The following UNC5C variants were observed in gnomAD, a reference collection of about 807,000 sequenced individuals.
The protein encoded by UNC5C is unc-5 netrin receptor C.
A neutral mutation model predicts 99.8 loss-of-function variants in UNC5C; 47 were observed. The ratio of observed to expected loss-of-function variants is 0.47; its 90% CI spans 0.37 to 0.60. The LOEUF (loss-of-function observed/expected upper bound fraction) is 0.60. Among genes scored for constraint, UNC5C ranks in the 20% least tolerant of loss-of-function variants. The pLI is 0.00. For missense variants in UNC5C, 1,062 were observed against 1,165.9 expected, an observed-to-expected ratio of 0.91 and a Z score of 1.30; for synonymous variants, 487 against 452.2, an observed-to-expected ratio of 1.08 and a Z score of -0.98.
intron 7 of UNC5C, among the ~76,000 whole-genome samples, chr4:95,230,030 C>T (rs937167965): frequency 4.3e-4 from 65 of 151,780 alleles, no homozygotes; most frequent in African/African-American, 1.5e-3. Context: ...AGGCTGGTCT[C>T]GAACTCCTGA....
intron 14 of UNC5C, among the ~76,000 whole-genome samples, chr4:95,177,021 A>G (rs1339324544): frequency 6.6e-6 from 1 of 151,920 alleles, no homozygotes; most frequent in Non-Finnish European, 1.5e-5. Flanking sequence ...GCCGTCTGTC[A>G]CCCCTTTCTT....
At chr4:95,341,212 T>C (rs1743561573) in intron 1 of UNC5C, among the ~76,000 whole-genome samples, 1 of 103,842 alleles carries the variant, frequency 9.6e-6, no homozygotes, top group Non-Finnish European at 2.2e-5. Flanking sequence ...GCAGCATTAT[T>C]TGTCTAAAGA....
At chr4:95,483,004 T>TATA (rs71970821) in intron 1 of UNC5C, among the ~76,000 whole-genome samples, 3,707 of 103,366 alleles carry the variant, frequency 0.036, 61 homozygotes, top group South Asian at 0.082. Flanking sequence ...AAACTTAAAG[T>TATA]ATAATAATAA....
chr4:95,380,469 T>G (rs1745038595), intron 1 of UNC5C, among the ~76,000 whole-genome samples: 1 of 147,660 alleles, frequency 6.8e-6, no homozygotes, highest in South Asian at 2.1e-4. Flanking sequence ...TTTGAGAGAC[T>G]AGGTCTCACT....
intron 3 of UNC5C, among the ~76,000 whole-genome samples, chr4:95,278,563 C>A (rs1194357504): frequency 6.6e-6 from 1 of 151,776 alleles, no homozygotes; most frequent in Admixed American, 6.6e-5. Flanking sequence ...TAGTTTTGAA[C>A]TCCTGGGCTC....
At chr4:95,471,349 A>G (rs17024009) in intron 1 of UNC5C, among the ~76,000 whole-genome samples, 6,549 of 152,184 alleles carry the variant, frequency 0.043, 468 homozygotes, top group African/African-American at 0.14. Context: ...CTTTGAATGT[A>G]CTAGGAATAG....
At chr4:95,525,153 G>A (rs1055394571) in intron 1 of UNC5C, among the ~76,000 whole-genome samples, 5 of 152,106 alleles carry the variant, frequency 3.3e-5, no homozygotes, top group Non-Finnish European at 7.4e-5. Flanking sequence ...ACATACATAA[G>A]AGCAGCAATT....
intron 3 of UNC5C, among the ~76,000 whole-genome samples, chr4:95,280,581 C>A (rs764434429): frequency 6.6e-6 from 1 of 151,730 alleles, no homozygotes; most frequent in South Asian, 2.1e-4. Context: ...CCTAGCTACT[C>A]GGGAAGCTGA....
intron 1 of UNC5C, among the ~76,000 whole-genome samples, chr4:95,435,955 T>G (rs2149461828): frequency 6.6e-6 from 1 of 152,196 alleles, no homozygotes; most frequent in East Asian, 1.9e-4. Flanking sequence ...CAATTTTGCA[T>G]AGTGAGATAA....
intron 3 of UNC5C, among the ~76,000 whole-genome samples, chr4:95,296,937 A>G (rs1369910040): frequency 6.6e-6 from 1 of 152,114 alleles, no homozygotes; most frequent in African/African-American, 2.4e-5. Context: ...GCCTGGTCCC[A>G]CCTGTTGGAA....
intron 11 of UNC5C, among the ~76,000 whole-genome samples, chr4:95,205,238 G>A (rs1737831827): frequency 6.6e-6 from 1 of 152,188 alleles, no homozygotes; most frequent in Non-Finnish European, 1.5e-5. Context: ...CTCAAACCCA[G>A]AAATGGATAG....
intron 1 of UNC5C, among the ~76,000 whole-genome samples, chr4:95,401,973 G>A (rs139622234): frequency 1.1e-3 from 175 of 152,342 alleles, no homozygotes; most frequent in Middle Eastern, 6.8e-3. Context: ...TCTTGAAGAT[G>A]TGGACAGTGG....
chr4:95,458,406 T>C (rs187213973), intron 1 of UNC5C, among the ~76,000 whole-genome samples: 1 of 152,258 alleles, frequency 6.6e-6, no homozygotes, highest in African/African-American at 2.4e-5. Context: ...TAGAATTTTC[T>C]GCTTTTCCCG....
At chr4:95,352,789 C>G (rs1489813052) in intron 1 of UNC5C, among the ~76,000 whole-genome samples, 1 of 152,144 alleles carries the variant, frequency 6.6e-6, no homozygotes, top group South Asian at 2.1e-4. Context: ...CACCAGGACT[C>G]AAGTTGAGGT....
At chr4:95,402,946 T>C (rs1283671898) in intron 1 of UNC5C, among the ~76,000 whole-genome samples, 1 of 152,248 alleles carries the variant, frequency 6.6e-6, no homozygotes, top group East Asian at 1.9e-4. Flanking sequence ...GATTCACTTT[T>C]TCATGTATGA....
intron 1 of UNC5C, among the ~76,000 whole-genome samples, chr4:95,446,637 T>G (rs1029130450): frequency 1.6e-4 from 25 of 152,182 alleles, no homozygotes; most frequent in Admixed American, 4.6e-4. Flanking sequence ...AATTTAAACC[T>G]GCCTGATTTC....
rs574532435 is a variant in UNC5C at position 95,525,596 on chromosome 4, T to TAAAA, written c.124+23134_124+23137dup. The stretch of plus-strand genomic sequence containing the variant: ...ATAGCAGTGTGCAAAGCCTATTTCT[T>TAAAA]AAAAAAAAAAAAAAAAAAAAAAGAC... On this transcript the variant is annotated intron_variant, in intron 1 of 15. Transcript: ENST00000453304. Among the ~76,000 whole-genome samples the TAAAA allele has an allele frequency of 3.3e-4, 34 of 102,166 alleles. 5 individuals carry two copies. Among genetic ancestry groups the TAAAA allele is most frequent in the Admixed American group, 6.6e-4 (6 of 9,152 alleles). 67.0% of individuals were successfully genotyped at this position (102,166 alleles called of 152,430 possible). A position where few individuals can be genotyped will look rare whatever the true frequency, so the allele number is the denominator to read the frequency against.
intron 1 of UNC5C, among the ~76,000 whole-genome samples, chr4:95,340,472 CT>C (rs1743525265): frequency 6.6e-6 from 1 of 151,922 alleles, no homozygotes; most frequent in South Asian, 2.1e-4. Context: ...CTGGAATTAA[CT>C]AGTTGAATGA....
chr4:95,484,694 T>C (rs1334044531), intron 1 of UNC5C, among the ~76,000 whole-genome samples: 1 of 151,826 alleles, frequency 6.6e-6, no homozygotes, highest in Admixed American at 6.6e-5. Context: ...AGATGCATAA[T>C]ATTTTGGTGT....
Sources: gnomAD v4.1 joint callset for allele counts (sites outside exome capture counted in the v4.1 genomes callset) on GRCh38, gnomAD v4.1.1 for gene constraint, MANE v1.5 for transcripts, NCBI Gene and HGNC (gene_info 2026-07-23, HGNC 2026-07-21) for gene names.